GALNT2: variants seen among roughly 807,000 people sequenced by gnomAD.
GALNT2 encodes the protein UDP-GalNAc:polypeptide N-acetylgalactosaminyltransferase 2.
In GALNT2, 31 loss-of-function variants were observed where a neutral mutation model predicts 81.4. The observed-to-expected ratio is 0.38, with a 90% CI of 0.29 to 0.51. The LOEUF (loss-of-function observed/expected upper bound fraction) is 0.51, where lower values mean the gene tolerates loss of function less well. Ranked by LOEUF, GALNT2 falls within the 20% of genes least tolerant of loss-of-function variation. GALNT2 has a pLI of 0.87. For synonymous variants in GALNT2, 303 were observed against 287.4 expected (o/e 1.05, Z -0.55); for missense variants, 629 against 765.7 (o/e 0.82, Z 2.11).
rs191430254 is a variant in GALNT2, at chr1:230,195,820, C to T, written c.221-7317C>T. On this transcript the variant is annotated intron_variant, in intron 2 of 15. Coordinates refer to ENST00000366672, the MANE Select transcript of GALNT2 (RefSeq NM_004481.5). ...GGGAGGCACCACTGGCCACACAAGC[C>T]GGAGGTGAGCAGAGACCTGGACGTG... is the stretch of plus-strand genomic sequence containing the variant. Among the ~76,000 whole-genome samples, 762 of 151,688 alleles carry T rather than the reference C, an allele frequency of 5.0e-3. 8 individuals carry two copies. Among genetic ancestry groups the T allele is most frequent in the African/African-American group, 0.018 (731 of 41,192 alleles).
At chr1:230,063,696 T>G (rs1659101545), upstream of GALNT2, among the ~76,000 whole-genome samples, 1 of 152,240 alleles carries the variant, frequency 6.6e-6, no homozygotes, top group Non-Finnish European at 1.5e-5. Context: ...GCAGATCAAA[T>G]CCTAATGATA....
intron 1 of GALNT2, among the ~76,000 whole-genome samples, chr1:230,083,767 T>C (rs947837419): frequency 3.3e-5 from 5 of 152,212 alleles, no homozygotes; most frequent in African/African-American, 1.2e-4. Flanking sequence ...ACTCTGTTTT[T>C]ACTTGGAGTA....
At chr1:230,221,397 G>C (rs547325611) in intron 3 of GALNT2, among the ~76,000 whole-genome samples, 2 of 152,192 alleles carry the variant, frequency 1.3e-5, no homozygotes, top group Non-Finnish European at 2.9e-5. Context: ...AGATGACAGT[G>C]TGTTATTTGG....
At position 230,275,026 on chromosome 1, in the gene GALNT2, A is replaced by ATG. The variant is rs1222989566; in HGVS notation, c.1560+462_1560+463insTG. 2.6e-5 allele frequency among the ~76,000 whole-genome samples: 4 copies of ATG among 151,724 alleles called. No homozygotes were observed. Among genetic ancestry groups the ATG allele is most frequent in the Non-Finnish European group, 5.9e-5 (4 of 67,890 alleles). On this transcript the variant is annotated intron_variant, in intron 15 of 15. Coordinates refer to ENST00000366672, the MANE Select transcript of GALNT2 (RefSeq NM_004481.5). This position sits in a 1 kb window ranked among gnomAD's most constrained non-coding sequence, Gnocchi z 5.5. ...ACATGCCACATATATACATATATAC[A>ATG]CGCCACATATATACACATATATACA...
upstream of GALNT2, among the ~76,000 whole-genome samples, chr1:230,063,848 T>G (rs1571917563): frequency 6.6e-6 from 1 of 152,250 alleles, no homozygotes; most frequent in Admixed American, 6.5e-5. Context: ...GTTTCCGTTA[T>G]GCCTACATTT....
chr1:230,161,643 T>G (rs994290109), intron 1 of GALNT2, among the ~76,000 whole-genome samples: 7 of 152,064 alleles, frequency 4.6e-5, no homozygotes, highest in Admixed American at 4.6e-4. Context: ...AAGTCCAGCC[T>G]GAATTGAGAT....
At chr1:230,184,238 G>A (rs950779874) in intron 2 of GALNT2, among the ~76,000 whole-genome samples, 1 of 149,612 alleles carries the variant, frequency 6.7e-6, no homozygotes, top group Non-Finnish European at 1.5e-5. Flanking sequence ...ACCCAGGCTA[G>A]AGTGCAGTGG....
intron 1 of GALNT2, among the ~76,000 whole-genome samples, chr1:230,164,116 G>A (rs1235218031): frequency 6.6e-6 from 1 of 152,180 alleles, no homozygotes; most frequent in Non-Finnish European, 1.5e-5. Context: ...ATACGTAACT[G>A]CAATCGCACA....
In GALNT2 at chr1:230,243,492, G is replaced by C. The variant is rs1164285266; in HGVS notation, c.729+65G>C. The C allele has an allele frequency of 6.3e-7, 1 of 1,589,374 alleles. No homozygotes were observed. On this transcript the variant is annotated intron_variant, in intron 7 of 15. Transcript: ENST00000366672. This position sits in a 1 kb window ranked among gnomAD's most constrained non-coding sequence, Gnocchi z 4.2. Reference sequence around the variant, plus strand: ...TGGTTGGTAGAGGGGACAGAAGGGAGCATGGTCCAGGGGAGGTGTAACGCA... The same window carrying C: ...TGGTTGGTAGAGGGGACAGAAGGGACCATGGTCCAGGGGAGGTGTAACGCA...
At chr1:230,099,565 G>A (rs1314035206) in intron 1 of GALNT2, among the ~76,000 whole-genome samples, 1 of 152,236 alleles carries the variant, frequency 6.6e-6, no homozygotes, top group East Asian at 1.9e-4. Flanking sequence ...CAGCTGGGAA[G>A]CCTGGTTTGA....
At chr1:230,107,126 T>C (rs1660566872) in intron 1 of GALNT2, among the ~76,000 whole-genome samples, 1 of 152,192 alleles carries the variant, frequency 6.6e-6, no homozygotes, top group Non-Finnish European at 1.5e-5. Flanking sequence ...GCTTTTGGAA[T>C]AGACAATCTT....
At chr1:230,122,100 G>A (rs551384994) in intron 1 of GALNT2, among the ~76,000 whole-genome samples, 9 of 151,878 alleles carry the variant, frequency 5.9e-5, no homozygotes, top group Non-Finnish European at 1.3e-4. Flanking sequence ...TTCCTCCTGA[G>A]CGGTGCTGTA....
intron 1 of GALNT2, among the ~76,000 whole-genome samples, chr1:230,164,478 G>C (rs1346151722): frequency 6.6e-6 from 1 of 151,888 alleles, no homozygotes; most frequent in African/African-American, 2.4e-5. Flanking sequence ...AGGCTTGGCG[G>C]ACTGCATCCG....
upstream of GALNT2, among the ~76,000 whole-genome samples, chr1:230,066,977 C>T (rs1303914538): frequency 2.7e-5 from 4 of 149,502 alleles, no homozygotes; most frequent in South Asian, 2.1e-4. Context: ...GCGGCAGTCC[C>T]CTCCCGCGGC....
At chr1:230,116,173 A>C (rs1660840522) in intron 1 of GALNT2, among the ~76,000 whole-genome samples, 1 of 152,144 alleles carries the variant, frequency 6.6e-6, no homozygotes, top group South Asian at 2.1e-4. Flanking sequence ...ATTTCACTTG[A>C]CTTTGCCCAG....
intron 1 of GALNT2, among the ~76,000 whole-genome samples, chr1:230,118,388 G>C (rs1185222944): frequency 3.9e-5 from 6 of 152,250 alleles, no homozygotes. Context: ...TCACTGGACT[G>C]TATAGAAAGT....
At chr1:230,088,881 A>G (rs2102763292) in intron 1 of GALNT2, among the ~76,000 whole-genome samples, 1 of 152,180 alleles carries the variant, frequency 6.6e-6, no homozygotes, top group South Asian at 2.1e-4. Flanking sequence ...TGGAAACCCT[A>G]TGCCCATTAA....
At chr1:230,247,711 G>A (rs2102745860) in intron 8 of GALNT2, among the ~76,000 whole-genome samples, 1 of 152,224 alleles carries the variant, frequency 6.6e-6, no homozygotes, top group Non-Finnish European at 1.5e-5. Context: ...TTCCGTGTGG[G>A]GGTGCAGGTC....
At chr1:230,086,559 C>T (rs1431789816) in intron 1 of GALNT2, among the ~76,000 whole-genome samples, 1 of 152,168 alleles carries the variant, frequency 6.6e-6, no homozygotes, top group Non-Finnish European at 1.5e-5. Flanking sequence ...AGGAGGAAAA[C>T]AGCTGTAAAG....
Sources: allele counts gnomAD v4.1 joint callset (sites outside exome capture counted in the v4.1 genomes callset), GRCh38; gene constraint gnomAD v4.1.1; non-coding constraint Gnocchi (gnomAD v3.1); transcripts MANE v1.5; gene names NCBI Gene and HGNC (gene_info 2026-07-23, HGNC 2026-07-21).